Variants in FSCN1 observed in about 807,000 individuals in gnomAD.
The protein encoded by FSCN1 is fascin actin-bundling protein 1.
A neutral mutation model predicts 39.7 loss-of-function variants in FSCN1; 10 were observed. That is an observed-to-expected ratio of 0.25 (90% CI 0.16 to 0.43). The LOEUF (loss-of-function observed/expected upper bound fraction) is 0.43. FSCN1 is among the 20% of genes least tolerant of loss of function. FSCN1 has a pLI of 1.00. For synonymous variants in FSCN1, 322 were observed against 320.0 expected (o/e 1.01, Z -0.07); for missense variants, 525 against 723.8 (o/e 0.73, Z 3.15).
chr7:5,593,638 G>A lies in FSCN1; in HGVS notation c.702G>A (p.Ser234=). ...RDCEGRYLAP[S]GPSGTLKAGK... ...GCGAGGGCCGTTACCTGGCGCCGTC[G>A]GGGCCCAGCGGCACGCTCAAGGCGG... The change falls in exon 1 of 5, where the codon TCG becomes TCA. Residue 234 remains serine (S), a synonymous_variant. Transcript: ENST00000382361. The A allele has an allele frequency of 1.3e-6, 2 of 1,570,800 alleles. No homozygotes were observed. Among genetic ancestry groups the A allele is most frequent in the Non-Finnish European group, 1.7e-6 (2 of 1,165,866 alleles).
intron 1 of FSCN1, among the ~76,000 whole-genome samples, chr7:5,600,815 G>A (rs1195677188): frequency 1.3e-5 from 2 of 149,784 alleles, no homozygotes; most frequent in Non-Finnish European, 2.9e-5. Context: ...CACCGTGCCC[G>A]GCTAATTTTT....
At chr7:5,595,201 A>AC (rs1328460131) in intron 1 of FSCN1, among the ~76,000 whole-genome samples, 1 of 151,588 alleles carries the variant, frequency 6.6e-6, no homozygotes, top group Non-Finnish European at 1.5e-5. Flanking sequence ...AGGGGGAAAG[A>AC]CCCCCCATGG....
chr7:5,592,852 G>C lies in FSCN1; in HGVS notation c.-85G>C, dbSNP rs1380962767. 5 of 780,430 alleles carry C rather than the reference G, an allele frequency of 6.4e-6. No homozygotes were observed. The highest frequency in any genetic ancestry group is 9.9e-6 in the Non-Finnish European group (5 of 502,594). The allele number at this position is 780,430 out of a possible 1,614,324, so 48.3% of individuals were successfully genotyped here. Reference sequence around the variant, plus strand: ...CGGAGGGTGCGTGCGGGCCGCGGCAGCCGAACAAAGGAGCAGGGGCGCCGC... The same window carrying C: ...CGGAGGGTGCGTGCGGGCCGCGGCACCCGAACAAAGGAGCAGGGGCGCCGC... On this transcript the variant is annotated 5_prime_UTR_variant, in exon 1 of 5. Coordinates refer to ENST00000382361, the MANE Select transcript of FSCN1 (RefSeq NM_003088.4). This position sits in a 1 kb window ranked among gnomAD's most constrained non-coding sequence, Gnocchi z 5.3.
intron 1 of FSCN1, among the ~76,000 whole-genome samples, chr7:5,595,079 G>A (rs1430299248): frequency 2.0e-5 from 3 of 152,242 alleles, no homozygotes; most frequent in Non-Finnish European, 4.4e-5. Flanking sequence ...TGGATAGGAA[G>A]TCGGACCCCA....
rs1051612685 is a variant in FSCN1, at chr7:5,605,159, G to A, written c.1280-113G>A. ...AGGGACCCTGGCTCATTCCGGAGCC[G>A]GGACTGGAGGGTGGGGCGTCACCCT... On this transcript the variant is annotated intron_variant, in intron 4 of 4. Coordinates refer to ENST00000382361, the MANE Select transcript of FSCN1 (RefSeq NM_003088.4). The surrounding 1 kb of genome is among the most constrained non-coding windows in gnomAD (Gnocchi z 6.9). 4.3e-5 allele frequency: 32 copies of A among 739,326 alleles called. No homozygotes were observed. The highest frequency in any genetic ancestry group is 3.6e-4 in the Admixed American group (16 of 44,012). 45.8% of individuals were successfully genotyped at this position (739,326 alleles called of 1,614,324 possible).
At position 5,603,967 on chromosome 7, in the gene FSCN1, G is replaced by A. The variant is rs1334429290; in HGVS notation, c.1216G>A (p.Ala406Thr). The stretch of plus-strand genomic sequence containing the variant: ...CCGCAAGGTCACGGGCACCCTGGAC[G>A]CCAACCGCTCCAGCTATGACGTCTT... ...GCRKVTGTLD[A>T]NRSSYDVFQL... Residue 406 changes from alanine (A) to threonine (T), a missense_variant, in exon 4 of 5, where the codon GCC becomes ACC. Ala to Thr is a moderately conservative substitution (Grantham distance 58). Transcript: ENST00000382361. This position sits in a 1 kb window ranked among gnomAD's most constrained non-coding sequence, Gnocchi z 8.5. 6.2e-7 allele frequency: 1 copy of A among 1,613,942 alleles called. No individual in the cohort carries two copies. The highest frequency in any genetic ancestry group is 1.7e-5 in the Admixed American group (1 of 60,022).
chr7:5,603,517 C>A lies in FSCN1; in HGVS notation c.1011C>A (p.Asp337Glu), dbSNP rs1239053475. 4 of 1,614,042 alleles carry A rather than the reference C, an allele frequency of 2.5e-6. No homozygotes were observed. The highest frequency in any genetic ancestry group is 2.5e-6 in the Non-Finnish European group (3 of 1,180,034). Residue 337 changes from aspartate (D) to glutamate (E), a missense_variant, in exon 3 of 5, where the codon GAC (aspartate) becomes GAA (glutamate). Physicochemically the swap from Asp to Glu is conservative, Grantham distance 45. Coordinates refer to ENST00000382361, the MANE Select transcript of FSCN1 (RefSeq NM_003088.4). This position sits in a 1 kb window ranked among gnomAD's most constrained non-coding sequence, Gnocchi z 8.5. ...CCAGGAATGCCAGCTGCTACTTTGA[C>A]ATCGAGTGGCGTGACCGGCGCATCA... is the stretch of plus-strand genomic sequence containing the variant. Reference protein sequence around the residue: ...ASSKNASCYFDIEWRDRRITL... With the variant: ...ASSKNASCYFEIEWRDRRITL...
Position 5,603,630 on chromosome 7 carries a change from C to A in FSCN1, c.1111+13C>A, listed in dbSNP as rs1298664939. ...GTGGAGACAGCAGGTAACACTAAAG[C>A]CCCAGTTCCCTGGAGCCGTCCTGGA... On this transcript the variant is annotated intron_variant, in intron 3 of 4. Transcript: ENST00000382361. This position sits in a 1 kb window ranked among gnomAD's most constrained non-coding sequence, Gnocchi z 8.5. The A allele has an allele frequency of 6.2e-7, 1 of 1,613,976 alleles. No individual in the cohort carries two copies. The highest frequency in any genetic ancestry group is 8.5e-7 in the Non-Finnish European group (1 of 1,179,994).
At position 5,605,660 on chromosome 7, in the gene FSCN1, C is replaced by T. The variant is rs1268851639; in HGVS notation, c.*186C>T. 6.8e-6 allele frequency: 4 copies of T among 586,296 alleles called. No individual in the cohort carries two copies. Among genetic ancestry groups the T allele is most frequent in the South Asian group, 2.1e-5 (1 of 47,432 alleles). The allele number at this position is 586,296 out of a possible 1,614,324, so 36.3% of individuals were successfully genotyped here. A position where few individuals can be genotyped will look rare whatever the true frequency, so the allele number is the denominator to read the frequency against. ...TGGACTCCCCACTCTCCCCTCCGCC[C>T]GGGTTCCCTACTCCCCTCGGGTCAG... On this transcript the variant is annotated 3_prime_UTR_variant, in exon 5 of 5. Coordinates refer to ENST00000382361, the MANE Select transcript of FSCN1 (RefSeq NM_003088.4). The surrounding 1 kb of genome is among the most constrained non-coding windows in gnomAD (Gnocchi z 6.9).
In FSCN1 at chr7:5,605,400, C is replaced by A; in HGVS notation, c.1408C>A (p.Leu470Met). ...KVAIKVGGRY[L>M]KGDHAGVLKA... ...GGCCATCAAGGTGGGCGGGCGCTAC[C>A]TGAAGGGCGACCACGCAGGCGTCCT... The change falls in exon 5 of 5, where the codon CTG becomes ATG. Residue 470 changes from leucine (L) to methionine (M), a missense_variant. Around this residue, in one of 3 missense-constraint regions of FSCN1, gnomAD observed 275 missense variants for 351.9 expected, o/e 0.78. Coordinates refer to ENST00000382361, the MANE Select transcript of FSCN1 (RefSeq NM_003088.4). This position sits in a 1 kb window ranked among gnomAD's most constrained non-coding sequence, Gnocchi z 6.9. The A allele has an allele frequency of 6.2e-7, 1 of 1,613,298 alleles. No homozygotes were observed. Among genetic ancestry groups the A allele is most frequent in the Non-Finnish European group, 8.5e-7 (1 of 1,179,706 alleles).
chr7:5,601,171 A>G (rs1785822985), intron 1 of FSCN1, among the ~76,000 whole-genome samples: 1 of 149,026 alleles, frequency 6.7e-6, no homozygotes, highest in Non-Finnish European at 1.5e-5. Context: ...GACAGAGGAC[A>G]TCTGTGCATG....
At position 5,593,253 on chromosome 7, in the gene FSCN1, A is replaced by C. The variant is rs1273702872; in HGVS notation, c.317A>C (p.Glu106Ala). Residue 106 changes from glutamate to alanine, a missense_variant, in exon 1 of 5, where the codon GAG (glutamate) becomes GCG (alanine). Glu to Ala is a moderately radical substitution (Grantham distance 107). Around this residue, in one of 3 missense-constraint regions of FSCN1, gnomAD observed 246 missense variants for 350.6 expected, o/e 0.70. Transcript: ENST00000382361. The stretch of plus-strand genomic sequence containing the variant: ...GACGGTCGCTGGTCGCTGCAGTCCG[A>C]GGCGCACCGGCGCTACTTCGGCGGC... ...HDDGRWSLQS[E>A]AHRRYFGGTE... 6.2e-7 allele frequency: 1 copy of C among 1,609,096 alleles called. No homozygotes were observed. The highest frequency in any genetic ancestry group is 1.3e-5 in the African/African-American group (1 of 74,922).
chr7:5,599,426 C>A lies in FSCN1; in HGVS notation c.833-3831C>A, dbSNP rs1704720660. ...TGTGTGACCTTAGGCAAGGACATGC[C>A]ACCACCGGCCTTAGTCTCCCTCTTT... On this transcript the variant is annotated intron_variant, in intron 1 of 4. Transcript: ENST00000382361. This position sits in a 1 kb window ranked among gnomAD's most constrained non-coding sequence, Gnocchi z 5.6. Among the ~76,000 whole-genome samples the A allele has an allele frequency of 6.6e-6, 1 of 152,136 alleles. No homozygotes were observed. Among genetic ancestry groups the A allele is most frequent in the South Asian group, 2.1e-4 (1 of 4,828 alleles).
At chr7:5,596,313 G>A (rs1785729958) in intron 1 of FSCN1, among the ~76,000 whole-genome samples, 1 of 152,202 alleles carries the variant, frequency 6.6e-6, no homozygotes, top group African/African-American at 2.4e-5. Context: ...AGGCCTGCAC[G>A]GGCGGGCCCG....
At chr7:5,600,643 C>T (rs1234684220) in intron 1 of FSCN1, among the ~76,000 whole-genome samples, 4 of 148,284 alleles carry the variant, frequency 2.7e-5, no homozygotes, top group Non-Finnish European at 1.5e-5. Flanking sequence ...AGGCGCCCGG[C>T]ACCACCCCCA....
chr7:5,598,077 C>A (rs1443922382), intron 1 of FSCN1, among the ~76,000 whole-genome samples: 2 of 152,250 alleles, frequency 1.3e-5, no homozygotes, highest in Non-Finnish European at 2.9e-5. Flanking sequence ...TTTCCCCTAT[C>A]CCTCCCTGCT....
intron 1 of FSCN1, among the ~76,000 whole-genome samples, chr7:5,601,190 T>C (rs547937212): frequency 6.7e-6 from 1 of 149,938 alleles, no homozygotes; most frequent in African/African-American, 2.5e-5. Context: ...TGTTTCTTTC[T>C]TTCTTCCTTT....
intron 1 of FSCN1, among the ~76,000 whole-genome samples, chr7:5,597,638 G>A (rs1376642367): frequency 6.6e-6 from 1 of 151,596 alleles, no homozygotes; most frequent in African/African-American, 2.4e-5. Context: ...TTGCACTCCA[G>A]CCTGGGCAAC....
chr7:5,604,393 G>A (rs1331439035), intron 4 of FSCN1, among the ~76,000 whole-genome samples: 11 of 152,044 alleles, frequency 7.2e-5, no homozygotes, highest in Non-Finnish European at 1.2e-4. Flanking sequence ...AGGGGAGGAC[G>A]CGCCTCGGTT....
Sources: gnomAD v4.1 joint callset for allele counts (sites outside exome capture counted in the v4.1 genomes callset) on GRCh38, gnomAD v4.1.1 for gene constraint, gnomAD v4.1.1 regional missense constraint, Gnocchi (gnomAD v3.1) non-coding constraint, MANE v1.5 for transcripts, NCBI Gene and HGNC (gene_info 2026-07-23, HGNC 2026-07-21) for gene names.